The following MET variants were observed in gnomAD, a reference collection of about 807,000 sequenced individuals.
The protein encoded by MET is hepatocyte growth factor receptor.
In MET, 48 loss-of-function variants were observed where a neutral mutation model predicts 133.1. The observed-to-expected ratio is 0.36, with a 90% CI of 0.29 to 0.46. The LOEUF (loss-of-function observed/expected upper bound fraction) is 0.46, where lower values mean the gene tolerates loss of function less well. Ranked by LOEUF, MET falls within the 20% of genes least tolerant of loss-of-function variation. MET has a pLI of 1.00. For missense variants in MET, 1,442 were observed against 1,695.9 expected, an observed-to-expected ratio of 0.85 and a Z score of 2.63; for synonymous variants, 628 against 616.5, an observed-to-expected ratio of 1.02 and a Z score of -0.28.
At chr7:116,788,380 T>A (rs1207346693) in intron 19 of MET, among the ~76,000 whole-genome samples, 2 of 152,140 alleles carry the variant, frequency 1.3e-5, no homozygotes, top group African/African-American at 4.8e-5. Flanking sequence ...AAAGCTGATT[T>A]ATAAAAAAAG....
chr7:116,723,625 T>G (rs1320714016), intron 2 of MET, among the ~76,000 whole-genome samples: 1 of 152,124 alleles, frequency 6.6e-6, no homozygotes, highest in Non-Finnish European at 1.5e-5. Context: ...TATCTACTTT[T>G]GGTCTTTGAT....
At chr7:116,712,691 T>G (rs1315607296) in intron 2 of MET, among the ~76,000 whole-genome samples, 1 of 149,042 alleles carries the variant, frequency 6.7e-6, no homozygotes, top group Non-Finnish European at 1.5e-5. Context: ...CCTATGCCCC[T>G]CCCGTCCCCC....
At chr7:116,737,071 C>T (rs953168404) in intron 3 of MET, among the ~76,000 whole-genome samples, 9 of 152,192 alleles carry the variant, frequency 5.9e-5, no homozygotes, top group South Asian at 2.1e-4. Flanking sequence ...CTGCAGAGAA[C>T]GGGCTAATGA....
intron 1 of MET, among the ~76,000 whole-genome samples, chr7:116,687,563 G>C (rs1383516843): frequency 1.3e-5 from 2 of 152,152 alleles, no homozygotes; most frequent in African/African-American, 4.8e-5. Flanking sequence ...GCCAGGTTTG[G>C]CTATTCCTTC....
chr7:116,754,941 AAGAAAGAAAG>A (rs879396963), intron 5 of MET, among the ~76,000 whole-genome samples: 34 of 127,390 alleles, frequency 2.7e-4, no homozygotes, highest in Non-Finnish European at 3.8e-4. Context: ...GAAAGAAAGA[AAGAAAGAAAG>A]AGAAAGAAAG....
chr7:116,730,289 G>C (rs1369908914), intron 2 of MET, among the ~76,000 whole-genome samples: 1 of 152,204 alleles, frequency 6.6e-6, no homozygotes, highest in Non-Finnish European at 1.5e-5. Context: ...AAGAAGGCCT[G>C]CTCGCTGGAG....
At chr7:116,755,032 G>GAAAGAAAGAAAGAAAGAAAGAAAGAA (rs1794120774) in intron 5 of MET, among the ~76,000 whole-genome samples, 1 of 151,290 alleles carries the variant, frequency 6.6e-6, no homozygotes, top group Non-Finnish European at 1.5e-5. Flanking sequence ...AAGAAAGAAA[G>GAAAGAAAGAAAGAAAGAAAGAAAGAA]AAAGAAAGAA....
intron 18 of MET, among the ~76,000 whole-genome samples, chr7:116,782,717 A>C (rs1431019652): frequency 6.6e-6 from 1 of 152,224 alleles, no homozygotes; most frequent in Non-Finnish European, 1.5e-5. Context: ...AACAACATAA[A>C]AGCCAGCTTA....
chr7:116,742,221 T>C (rs909050251), intron 5 of MET, among the ~76,000 whole-genome samples: 1 of 152,224 alleles, frequency 6.6e-6, no homozygotes, highest in African/African-American at 2.4e-5. Flanking sequence ...GAGCAAGATT[T>C]GTAGTGGGTG....
chr7:116,760,992 G>A (rs1383178470), intron 10 of MET, among the ~76,000 whole-genome samples: 1 of 152,140 alleles, frequency 6.6e-6, no homozygotes, highest in Non-Finnish European at 1.5e-5. Context: ...GTGTTGGTAT[G>A]AGACCTTTTA....
intron 1 of MET, among the ~76,000 whole-genome samples, chr7:116,682,751 C>A (rs1796408634): frequency 6.6e-6 from 1 of 152,180 alleles, no homozygotes; most frequent in Admixed American, 6.5e-5. Flanking sequence ...TCTTAACCAG[C>A]AAGTCTGTTT....
At chr7:116,742,271 A>C (rs886671812) in intron 5 of MET, among the ~76,000 whole-genome samples, 30 of 152,272 alleles carry the variant, frequency 2.0e-4, no homozygotes, top group Admixed American at 9.8e-4. Flanking sequence ...TAGGTGTGAC[A>C]CAGTTATTAA....
At chr7:116,758,979 A>G (rs185280303) in intron 9 of MET, among the ~76,000 whole-genome samples, 41 of 152,274 alleles carry the variant, frequency 2.7e-4, no homozygotes, top group South Asian at 1.5e-3. Flanking sequence ...TTCTCTAGAT[A>G]TGTTTTTGTC....
At chr7:116,761,208 C>A (rs1794387727) in intron 10 of MET, among the ~76,000 whole-genome samples, 1 of 152,080 alleles carries the variant, frequency 6.6e-6, no homozygotes, top group Admixed American at 6.6e-5. Context: ...AAGGATGATT[C>A]AAACAATGGT....
At chr7:116,740,160 C>G (rs770726789) in intron 4 of MET, 76 bp downstream of exon 4, 2 of 1,526,608 alleles carry the variant, frequency 1.3e-6, no homozygotes, top group Non-Finnish European at 1.8e-6. Context: ...GTCACTTGGC[C>G]CTTTATAATG....
At chr7:116,746,407 T>A (rs1048078133) in intron 5 of MET, among the ~76,000 whole-genome samples, 1 of 152,248 alleles carries the variant, frequency 6.6e-6, no homozygotes, top group Non-Finnish European at 1.5e-5. Context: ...AAATACCATT[T>A]GACCCAGCTG....
intron 1 of MET, among the ~76,000 whole-genome samples, chr7:116,682,868 A>G (rs1796413096): frequency 6.6e-6 from 1 of 152,126 alleles, no homozygotes; most frequent in African/African-American, 2.4e-5. Flanking sequence ...TCAGTATAAG[A>G]TCTTTCCTTA....
chr7:116,751,684 A>G (rs937998109), intron 5 of MET, among the ~76,000 whole-genome samples: 1 of 152,212 alleles, frequency 6.6e-6, no homozygotes, highest in Non-Finnish European at 1.5e-5. Context: ...ATACTTAAAG[A>G]GCAATGAGAA....
At chr7:116,742,666 T>C (rs923090337) in intron 5 of MET, among the ~76,000 whole-genome samples, 1 of 152,246 alleles carries the variant, frequency 6.6e-6, no homozygotes, top group African/African-American at 2.4e-5. Flanking sequence ...ATAAAGTAAA[T>C]ATTTCAGAAT....
Sources: gnomAD v4.1 joint callset for allele counts (sites outside exome capture counted in the v4.1 genomes callset) on GRCh38, gnomAD v4.1.1 for gene constraint, MANE v1.5 for transcripts, NCBI Gene and HGNC (gene_info 2026-07-23, HGNC 2026-07-21) for gene names.